AARS1: variants seen among roughly 807,000 people sequenced by gnomAD.
The protein encoded by AARS1 is alanyl-tRNA synthetase 1.
In AARS1, 72 loss-of-function variants were observed where a neutral mutation model predicts 108.9. That is an observed-to-expected ratio of 0.66 (90% CI 0.55 to 0.80). AARS1 has a LOEUF of 0.80. Ranked by LOEUF, AARS1 falls within the 30% of genes least tolerant of loss-of-function variation. AARS1 has a pLI of 0.00. For synonymous variants in AARS1, 489 were observed against 465.7 expected (o/e 1.05, Z -0.64); for missense variants, 1,193 against 1,233.2 (o/e 0.97, Z 0.49).
Position 70,265,122 on chromosome 16 carries a change from G to A in AARS1, c.1348-20C>T, listed in dbSNP as rs371734869. ...TTTCAGCTGTCAGCAAGAGAAACAA[G>A]CATAAGTTACCGTAAAGTAGGAGAA... On this transcript the variant is annotated intron_variant, in intron 10 of 20. Transcript: ENST00000261772. The A allele has an allele frequency of 3.1e-6, 5 of 1,613,750 alleles. No homozygotes were observed. Among genetic ancestry groups the A allele is most frequent in the African/African-American group, 1.3e-5 (1 of 74,922 alleles).
intron 14 of AARS1, among the ~76,000 whole-genome samples, chr16:70,258,567 A>C (rs1432334253): frequency 6.6e-6 from 1 of 151,356 alleles, no homozygotes; most frequent in Non-Finnish European, 1.5e-5. Flanking sequence ...TGCTTTAAAC[A>C]AACTTTTTTT....
intron 10 of AARS1, 52 bp downstream of exon 10, chr16:70,265,486 G>A: frequency 2.5e-6 from 4 of 1,612,162 alleles, no homozygotes; most frequent in Admixed American, 1.7e-5. Context: ...GCAGCCAAGT[G>A]GTGCTGGGTT....
chr16:70,267,819 G>T lies in AARS1; in HGVS notation c.1072-10C>A. The T allele has an allele frequency of 6.2e-7, 1 of 1,614,140 alleles. No homozygotes were observed. Among genetic ancestry groups the T allele is most frequent in the Non-Finnish European group, 8.5e-7 (1 of 1,180,024 alleles). On this transcript the variant is annotated splice_polypyrimidine_tract_variant and intron_variant, in intron 8 of 20. Transcript: ENST00000261772. ...CAGGAAATGCATCTCCCTGACAAAGGGGAAGCAAGATGAGGGGCTGGATGA... is the reference window on the plus strand; with the variant it reads ...CAGGAAATGCATCTCCCTGACAAAGTGGAAGCAAGATGAGGGGCTGGATGA...
At chr16:70,258,708 G>T (rs1256852981) in intron 14 of AARS1, among the ~76,000 whole-genome samples, 2 of 152,186 alleles carry the variant, frequency 1.3e-5, no homozygotes, top group African/African-American at 4.8e-5. Flanking sequence ...TGGGACTACA[G>T]GTGCCCGCCA....
chr16:70,289,439 C>A lies in AARS1; in HGVS notation c.-40G>T, dbSNP rs1320437657. The A allele has an allele frequency of 4.9e-6, 2 of 408,234 alleles. No individual in the cohort carries two copies. Among genetic ancestry groups the A allele is most frequent in the Admixed American group, 2.6e-5 (1 of 38,944 alleles). The allele number at this position is 408,234 out of a possible 1,614,324, so 25.3% of individuals were successfully genotyped here. On this transcript the variant is annotated 5_prime_UTR_variant, in exon 1 of 21. Coordinates refer to ENST00000261772, the MANE Select transcript of AARS1 (RefSeq NM_001605.3). Reference sequence around the variant, plus strand: ...GGCCTACCTCTCCTAGGGTCGCCGTCCCCAGCTCCTCCCTCAGAGTCCCCC... The same window carrying A: ...GGCCTACCTCTCCTAGGGTCGCCGTACCCAGCTCCTCCCTCAGAGTCCCCC...
rs879444433 is a variant in AARS1, at chr16:70,289,429, G to A, written c.-30C>T. The A allele has an allele frequency of 2.0e-5, 8 of 402,770 alleles. No individual in the cohort carries two copies. Among genetic ancestry groups the A allele is most frequent in the African/African-American group, 6.1e-5 (3 of 49,112 alleles). 24.9% of individuals were successfully genotyped at this position (402,770 alleles called of 1,614,324 possible). A position where few individuals can be genotyped will look rare whatever the true frequency, so the allele number is the denominator to read the frequency against. On this transcript the variant is annotated 5_prime_UTR_variant, in exon 1 of 21. Coordinates refer to ENST00000261772, the MANE Select transcript of AARS1 (RefSeq NM_001605.3). ...CTCCGAGGGCGGCCTACCTCTCCTA[G>A]GGTCGCCGTCCCCAGCTCCTCCCTC...
chr16:70,267,314 T>TAC (rs965929259), intron 9 of AARS1, among the ~76,000 whole-genome samples: 4 of 152,126 alleles, frequency 2.6e-5, no homozygotes, highest in African/African-American at 9.6e-5. Flanking sequence ...GCTTGAAAAA[T>TAC]ACACACACAC....
intron 4 of AARS1, among the ~76,000 whole-genome samples, chr16:70,274,683 C>G (rs999752983): frequency 1.4e-5 from 2 of 143,954 alleles, no homozygotes; most frequent in South Asian, 4.5e-4. Flanking sequence ...GAGATCGCGT[C>G]ATTGCACTCC....
chr16:70,254,579 T>A (rs201698756), intron 17 of AARS1, 42 bp downstream of exon 17: 1 of 1,367,440 alleles, frequency 7.3e-7, no homozygotes, highest in Non-Finnish European at 1.0e-6. Flanking sequence ...GCATGTTTCA[T>A]GCACCAGGCC....
At chr16:70,289,002 C>T (rs545720511) in intron 1 of AARS1, among the ~76,000 whole-genome samples, 15 of 152,210 alleles carry the variant, frequency 9.9e-5, no homozygotes, top group Non-Finnish European at 1.6e-4. Context: ...GAAATACAAA[C>T]TGTTTTACAG....
At chr16:70,276,419 AAC>A in intron 4 of AARS1, 65 bp downstream of exon 4, 1 of 1,568,796 alleles carries the variant, frequency 6.4e-7, no homozygotes, top group East Asian at 2.2e-5. Flanking sequence ...CAGGTCATAA[AAC>A]CCCACTCTGG....
At chr16:70,253,485 C>T in intron 19 of AARS1, 104 bp from the exon 20 acceptor site, 1 of 1,103,704 alleles carries the variant, frequency 9.1e-7, no homozygotes, top group Non-Finnish European at 1.4e-6. Flanking sequence ...CTACCCCTTC[C>T]CAGAGCAGGG....
Position 70,253,262 on chromosome 16 carries a change from G to A in AARS1, c.2721+6C>T. 1 of 1,604,872 alleles carries A rather than the reference G, an allele frequency of 6.2e-7. No homozygotes were observed. Among genetic ancestry groups the A allele is most frequent in the African/African-American group, 1.3e-5 (1 of 74,836 alleles). Reference sequence around the variant, plus strand: ...ACACTTCCCACTGGTGCGAGGTGGTGCTGACCTGGGGAACTTGACACAGGC... The same window carrying A: ...ACACTTCCCACTGGTGCGAGGTGGTACTGACCTGGGGAACTTGACACAGGC... On this transcript the variant is annotated splice_donor_region_variant and intron_variant, in intron 20 of 20. Transcript: ENST00000261772.
At chr16:70,268,467 T>C in intron 7 of AARS1, 88 bp from the exon 8 acceptor site, 2 of 1,059,684 alleles carry the variant, frequency 1.9e-6, no homozygotes, top group South Asian at 1.3e-5. Flanking sequence ...CAACACCTCT[T>C]TCAGGAACTT....
chr16:70,260,599 A>C (rs1960108996), intron 13 of AARS1, among the ~76,000 whole-genome samples: 1 of 152,168 alleles, frequency 6.6e-6, no homozygotes, highest in Non-Finnish European at 1.5e-5. Flanking sequence ...CATCCCTCAC[A>C]ATCCACCAAA....
chr16:70,255,683 T>G (rs1452165132), intron 16 of AARS1, 45 bp downstream of exon 16: 5 of 1,565,808 alleles, frequency 3.2e-6, no homozygotes, highest in Non-Finnish European at 4.4e-6. Flanking sequence ...ACTGGGCTCC[T>G]CTTGCCTTCT....
Position 70,258,161 on chromosome 16 carries a change from C to A in AARS1, c.2049G>T (p.Arg683=), listed in dbSNP as rs1960038059. 6.2e-7 allele frequency: 1 copy of A among 1,610,258 alleles called. No individual in the cohort carries two copies. Among genetic ancestry groups the A allele is most frequent in the East Asian group, 2.2e-5 (1 of 44,700 alleles). Residue 683 remains arginine (R), a synonymous_variant, in exon 15 of 21, where the codon CGG becomes CGT. Coordinates refer to ENST00000261772, the MANE Select transcript of AARS1 (RefSeq NM_001605.3). ...CAGGATAGGTCTCATCAAACACAGCCCGTAGGCCCTGGATGGCTTTCGCTG... is the reference window on the plus strand; with the variant it reads ...CAGGATAGGTCTCATCAAACACAGCACGTAGGCCCTGGATGGCTTTCGCTG... ...LAAAKAIQGL[R]AVFDETYPDP...
chr16:70,279,591 C>T (rs1960641827), intron 2 of AARS1, among the ~76,000 whole-genome samples: 1 of 144,702 alleles, frequency 6.9e-6, no homozygotes, highest in Non-Finnish European at 1.5e-5. Context: ...ATCCAGGAGG[C>T]GTAGGCTGCA....
chr16:70,287,155 T>C (rs1442474765), intron 1 of AARS1, among the ~76,000 whole-genome samples: 1 of 145,292 alleles, frequency 6.9e-6, no homozygotes, highest in African/African-American at 2.6e-5. Context: ...CTCGGGAGGC[T>C]GAGGCAGGAG....
Sources: allele counts gnomAD v4.1 joint callset (sites outside exome capture counted in the v4.1 genomes callset), GRCh38; gene constraint gnomAD v4.1.1; transcripts MANE v1.5; gene names NCBI Gene and HGNC (gene_info 2026-07-23, HGNC 2026-07-21).